SLCO1A2: variants seen among roughly 807,000 people sequenced by gnomAD.
SLCO1A2 encodes the protein OATP-1.
SLCO1A2 carries 67 observed loss-of-function variants against 69.0 expected under a neutral mutation model. That is an observed-to-expected ratio of 0.97 (90% CI 0.80 to 1.19). The LOEUF is 1.19. Ranked by LOEUF, SLCO1A2 falls within the 50% of genes most tolerant of loss-of-function variation. The pLI is 0.00. For missense variants in SLCO1A2, 787 were observed against 793.7 expected, an observed-to-expected ratio of 0.99 and a Z score of 0.10; for synonymous variants, 260 against 265.9, an observed-to-expected ratio of 0.98 and a Z score of 0.22.
intron 4 of SLCO1A2, among the ~76,000 whole-genome samples, chr12:21,308,914 G>A (rs1949760895): frequency 6.6e-6 from 1 of 151,962 alleles, no homozygotes; most frequent in African/African-American, 2.4e-5. Context: ...TATGAGAGAA[G>A]TCTGTAACAG....
chr12:21,395,643 G>A (rs998458171), upstream of SLCO1A2, among the ~76,000 whole-genome samples: 1 of 152,224 alleles, frequency 6.6e-6, no homozygotes, highest in Non-Finnish European at 1.5e-5. Flanking sequence ...TTTGAAGAGA[G>A]CAGTGGGTCT....
chr12:21,403,097 A>G (rs993156451), intron 1 of SLCO1A2, among the ~76,000 whole-genome samples: 18 of 152,152 alleles, frequency 1.2e-4, no homozygotes, highest in African/African-American at 3.9e-4. Flanking sequence ...CAGGCCAATG[A>G]CAAGGCAGGA....
At chr12:21,284,285 C>G (rs1945330764) in intron 12 of SLCO1A2, among the ~76,000 whole-genome samples, 1 of 152,146 alleles carries the variant, frequency 6.6e-6, no homozygotes, top group Admixed American at 6.6e-5. Context: ...ATAGGAACAG[C>G]TCCGGTCCAC....
rs1468088706 is a variant in SLCO1A2, at chr12:21,314,425, A to C, written c.335+124T>G. On this transcript the variant is annotated intron_variant, in intron 4 of 14. Coordinates refer to ENST00000683939, the MANE Select transcript of SLCO1A2 (RefSeq NM_001386879.1). ...AATAGACAGATGGAACAGAATGTGC[A>C]TCTTCCCCTTCCCATTACAGTGCCC... 4.0e-6 allele frequency: 4 copies of C among 995,976 alleles called. No individual in the cohort carries two copies. The African/African-American group carries it at 4.8e-5, about 12-fold the overall frequency. The allele number at this position is 995,976 out of a possible 1,614,324, so 61.7% of individuals were successfully genotyped here.
intron 2 of SLCO1A2, among the ~76,000 whole-genome samples, chr12:21,326,621 T>A (rs1952255405): frequency 6.6e-6 from 1 of 152,088 alleles, no homozygotes; most frequent in African/African-American, 2.4e-5. Flanking sequence ...GGAGCAAAGG[T>A]GATTCTTGCT....
chr12:21,269,985 A>G (rs1942506125), intron 14 of SLCO1A2, among the ~76,000 whole-genome samples: 1 of 151,026 alleles, frequency 6.6e-6, no homozygotes, highest in South Asian at 2.1e-4. Flanking sequence ...ATCCAAATTT[A>G]TTTTCATCTT....
chr12:21,365,018 A>C (rs905414243), intron 2 of SLCO1A2, among the ~76,000 whole-genome samples: 1 of 152,178 alleles, frequency 6.6e-6, no homozygotes, highest in Non-Finnish European at 1.5e-5. Flanking sequence ...GCTACCAATG[A>C]CTTTCTTCAC....
At chr12:21,315,396 A>G (rs1169044640) in intron 3 of SLCO1A2, among the ~76,000 whole-genome samples, 1 of 152,214 alleles carries the variant, frequency 6.6e-6, no homozygotes, top group East Asian at 1.9e-4. Flanking sequence ...TGATGGACAG[A>G]TCCTTGAAGA....
rs1941971188 is a variant in SLCO1A2 at position 21,265,445 on chromosome 12, C to A, written c.*4103G>T. 1 of 152,272 alleles carries A rather than the reference C, an allele frequency of 6.6e-6. No individual in the cohort carries two copies. The highest frequency in any genetic ancestry group is 2.4e-5 in the African/African-American group (1 of 41,448). 9.4% of individuals were successfully genotyped at this position (152,272 alleles called of 1,614,324 possible). ...AAGGCCAGAAAGTAGAAGGTGCTCA[C>A]TGTGTTTGGGTCACAGGGGATGCCT... On this transcript the variant is annotated 3_prime_UTR_variant, in exon 15 of 15. Coordinates refer to ENST00000683939, the MANE Select transcript of SLCO1A2 (RefSeq NM_001386879.1).
intron 14 of SLCO1A2, chr12:21,273,897 A>G (rs1382990170): frequency 1.3e-5 from 2 of 152,200 alleles, no homozygotes; most frequent in Admixed American, 6.6e-5. Context: ...AGTTAATTCA[A>G]ATTTAAACAA....
chr12:21,407,184 A>C (rs548097176), intron 1 of SLCO1A2, among the ~76,000 whole-genome samples: 1 of 152,350 alleles, frequency 6.6e-6, no homozygotes, highest in East Asian at 1.9e-4. Flanking sequence ...AATGCTTGAA[A>C]TGAAATTCAA....
chr12:21,319,504 C>T (rs1951324960), intron 2 of SLCO1A2: 2 of 1,343,484 alleles, frequency 1.5e-6, no homozygotes, highest in Middle Eastern at 2.1e-4. Flanking sequence ...GGATGCTCTG[C>T]AACCCTTGAG....
At chr12:21,303,675 G>A (rs1169408666) in intron 6 of SLCO1A2, among the ~76,000 whole-genome samples, 3 of 152,162 alleles carry the variant, frequency 2.0e-5, no homozygotes, top group Non-Finnish European at 4.4e-5. Flanking sequence ...AGATTGGAAG[G>A]CAGCACAAGA....
intron 1 of SLCO1A2, among the ~76,000 whole-genome samples, chr12:21,413,241 T>TA (rs1941939255): frequency 7.8e-6 from 1 of 127,662 alleles, no homozygotes; most frequent in East Asian, 2.8e-4. Flanking sequence ...CTTTTTCTTT[T>TA]TTTTTTTTTT....
chr12:21,362,758 G>A (rs1939022963), intron 2 of SLCO1A2, among the ~76,000 whole-genome samples: 1 of 152,166 alleles, frequency 6.6e-6, no homozygotes, highest in African/African-American at 2.4e-5. Flanking sequence ...CCTAGTCTCT[G>A]ATAAAACAGA....
rs374677921 is a variant in SLCO1A2, at chr12:21,300,587, C to A, written c.689-18G>T. Reference sequence around the variant, plus strand: ...CAGATCATCTGTAAAAAAATACACACACTGTTATTAGCTTAAGTCAGTATT... The same window carrying A: ...CAGATCATCTGTAAAAAAATACACAAACTGTTATTAGCTTAAGTCAGTATT... On this transcript the variant is annotated intron_variant, in intron 7 of 14. Transcript: ENST00000683939. 1.9e-6 allele frequency: 3 copies of A among 1,558,804 alleles called. No homozygotes were observed. In the African/African-American group the frequency reaches 4.1e-5, roughly 21 times the overall value.
Position 21,362,052 on chromosome 12 carries a change from A to T in SLCO1A2, c.-63+12347T>A, listed in dbSNP as rs572189847. 2.6e-5 allele frequency among the ~76,000 whole-genome samples: 4 copies of T among 152,290 alleles called. No homozygotes were observed. In the East Asian group the frequency reaches 7.7e-4, roughly 29 times the overall value. ...TTCAGAAAATACAGAGAATGCCACA[A>T]AGATACTCCTCGAGAAGAGAAACTC... On this transcript the variant is annotated intron_variant, in intron 2 of 15. Transcript: ENST00000307378.
intron 2 of SLCO1A2, among the ~76,000 whole-genome samples, chr12:21,352,579 ACT>A (rs1460402123): frequency 6.6e-6 from 1 of 151,900 alleles, no homozygotes; most frequent in Non-Finnish European, 1.5e-5. Context: ...ATATGAACAC[ACT>A]CTTTATTAAT....
At chr12:21,400,795 T>C (rs928739345) in intron 1 of SLCO1A2, among the ~76,000 whole-genome samples, 3 of 147,014 alleles carry the variant, frequency 2.0e-5, no homozygotes, top group South Asian at 4.4e-4. Flanking sequence ...CCAAACACCG[T>C]ATATTCTCAC....
Sources: gnomAD v4.1 joint callset for allele counts (sites outside exome capture counted in the v4.1 genomes callset) on GRCh38, gnomAD v4.1.1 for gene constraint, MANE v1.5 for transcripts, NCBI Gene and HGNC (gene_info 2026-07-23, HGNC 2026-07-21) for gene names.